GPR6: variants seen among roughly 807,000 people sequenced by gnomAD.
GPR6 encodes sphingosine 1-phosphate receptor GPR6.
GPR6 carries 14 observed loss-of-function variants against 18.5 expected under a neutral mutation model. The observed-to-expected ratio is 0.76, with a 90% CI of 0.50 to 1.18. The LOEUF is 1.18. GPR6 is among the 50% of genes most tolerant of loss of function. The pLI is 0.00. For missense variants in GPR6, 477 were observed against 495.9 expected (o/e 0.96, Z 0.36); for synonymous variants, 299 against 240.9 (o/e 1.24, Z -2.23).
chr6:109,979,078 ACTCC>A lies in GPR6; in HGVS notation c.-18-10_-18-7del, dbSNP rs1178816087. 1 of 1,547,000 alleles carries A rather than the reference ACTCC, an allele frequency of 6.5e-7. No individual in the cohort carries two copies. The highest frequency in any genetic ancestry group is 1.4e-5 in the African/African-American group (1 of 72,392). On this transcript the variant is annotated splice_polypyrimidine_tract_variant and intron_variant, in intron 1 of 1. Coordinates refer to ENST00000275169, the MANE Select transcript of GPR6 (RefSeq NM_005284.5). ...CCTGAAGTGTACACCTGACGCCTGC[ACTCC>A]CTCCCTATGCAGGGTGCAAATCCGG... is the stretch of plus-strand genomic sequence containing the variant.
At position 109,980,071 on chromosome 6, in the gene GPR6, A is replaced by G. The variant is rs1002133726; in HGVS notation, c.959A>G (p.Tyr320Cys). 1.2e-6 allele frequency: 2 copies of G among 1,614,214 alleles called. No individual in the cohort carries two copies. The highest frequency in any genetic ancestry group is 1.7e-6 in the Non-Finnish European group (2 of 1,180,040). Residue 320 changes from tyrosine to cysteine, a missense_variant, in exon 2 of 2, where the codon TAC becomes TGC. By Grantham distance (194) the Tyr-to-Cys change is radical. Transcript: ENST00000275169. ...TACGCCACCCTGCTGCCCGCCACCTACAACTCCATGATCAATCCCATCATC... is the reference window on the plus strand; with the variant it reads ...TACGCCACCCTGCTGCCCGCCACCTGCAACTCCATGATCAATCCCATCATC... Reference protein sequence around the residue: ...YTYATLLPATYNSMINPIIYA... With the variant: ...YTYATLLPATCNSMINPIIYA...
Position 109,980,228 on chromosome 6 carries a change from A to T in GPR6, c.*27A>T. ...GGGCTCGCCCCGTGTCCTCTCACCA[A>T]CACCACACCCCAACAAGCCAGCCTT... is the stretch of plus-strand genomic sequence containing the variant. On this transcript the variant is annotated 3_prime_UTR_variant, in exon 2 of 2. Coordinates refer to ENST00000275169, the MANE Select transcript of GPR6 (RefSeq NM_005284.5). The T allele has an allele frequency of 1.9e-6, 3 of 1,612,976 alleles. No individual in the cohort carries two copies. The highest frequency in any genetic ancestry group is 2.5e-6 in the Non-Finnish European group (3 of 1,179,698).
rs1295473527 is a variant in GPR6 at position 109,980,342 on chromosome 6, A to G, written c.*141A>G. On this transcript the variant is annotated 3_prime_UTR_variant, in exon 2 of 2. Coordinates refer to ENST00000275169, the MANE Select transcript of GPR6 (RefSeq NM_005284.5). Reference sequence around the variant, plus strand: ...GAAAAAGGGACTAAAGAGAAATGTAACAAACTTACAAGGACAAAGAGGCTT... The same window carrying G: ...GAAAAAGGGACTAAAGAGAAATGTAGCAAACTTACAAGGACAAAGAGGCTT... 1 of 1,204,834 alleles carries G rather than the reference A, an allele frequency of 8.3e-7. No homozygotes were observed. The highest frequency in any genetic ancestry group is 2.4e-5 in the Admixed American group (1 of 41,516). 74.6% of individuals were successfully genotyped at this position (1,204,834 alleles called of 1,614,324 possible). A position where few individuals can be genotyped will look rare whatever the true frequency, so the allele number is the denominator to read the frequency against.
At position 109,979,256 on chromosome 6, in the gene GPR6, C is replaced by A; in HGVS notation, c.144C>A (p.Gly48=). 6.2e-7 allele frequency: 1 copy of A among 1,611,518 alleles called. No individual in the cohort carries two copies. The highest frequency in any genetic ancestry group is 2.2e-5 in the East Asian group (1 of 44,844). ...CTGCGGCGGCTCTAGGAGCCGGCGGCGGAGCTAATGGGTCTCTGGAGCTGT... is the reference window on the plus strand; with the variant it reads ...CTGCGGCGGCTCTAGGAGCCGGCGGAGGAGCTAATGGGTCTCTGGAGCTGT... ...PPAAAALGAG[G]GANGSLELSS... is the part of the protein sequence containing the mutation. Residue 48 remains glycine (G), a synonymous_variant, in exon 2 of 2, where the codon GGC becomes GGA. Coordinates refer to ENST00000275169, the MANE Select transcript of GPR6 (RefSeq NM_005284.5).
chr6:109,980,223 C>A lies in GPR6; in HGVS notation c.*22C>A. On this transcript the variant is annotated 3_prime_UTR_variant, in exon 2 of 2. Transcript: ENST00000275169. The stretch of plus-strand genomic sequence containing the variant: ...CTGAAGGGCTCGCCCCGTGTCCTCT[C>A]ACCAACACCACACCCCAACAAGCCA... The A allele has an allele frequency of 3.7e-6, 6 of 1,613,760 alleles. No individual in the cohort carries two copies. The highest frequency in any genetic ancestry group is 1.7e-4 in the Middle Eastern group (1 of 6,056).
rs1771068906 is a variant in GPR6, at chr6:109,980,658, T to G, written c.*457T>G. ...TGTCGTATGTGATAGAATATTTTGC[T>G]GCACATGCATCAACAAATTACAACA... On this transcript the variant is annotated 3_prime_UTR_variant, in exon 2 of 2. Transcript: ENST00000275169. 1 of 185,682 alleles carries G rather than the reference T, an allele frequency of 5.4e-6. No homozygotes were observed. 11.5% of individuals were successfully genotyped at this position (185,682 alleles called of 1,614,324 possible). A position where few individuals can be genotyped will look rare whatever the true frequency, so the allele number is the denominator to read the frequency against.
In GPR6 at chr6:109,979,751, C is replaced by T. The variant is rs758365099; in HGVS notation, c.639C>T (p.Arg213=). 3.1e-6 allele frequency: 5 copies of T among 1,600,872 alleles called. No homozygotes were observed. The highest frequency in any genetic ancestry group is 1.7e-4 in the Middle Eastern group (1 of 6,044). Residue 213 remains arginine (R), a synonymous_variant, in exon 2 of 2, where the codon CGC becomes CGT. Coordinates refer to ENST00000275169, the MANE Select transcript of GPR6 (RefSeq NM_005284.5). ...PVLGWNCLAE[R]AACSVVRPLA... ...TGGGCTGGAACTGCCTGGCAGAGCG[C>T]GCCGCCTGCAGCGTGGTGCGCCCGC...
Position 109,979,427 on chromosome 6 carries a change from G to C in GPR6, c.315G>C (p.Thr105=). The C allele has an allele frequency of 6.2e-7, 1 of 1,613,368 alleles. No individual in the cohort carries two copies. Among genetic ancestry groups the C allele is most frequent in the South Asian group, 1.1e-5 (1 of 91,082 alleles). The stretch of plus-strand genomic sequence containing the variant: ...TCGCGTCCACTCCGGCGCTGCGCAC[G>C]CCCATGTTCGTGCTGGTAGGCAGCC... The part of the protein sequence containing the change: ...ALIASTPALR[T]PMFVLVGSLA... Residue 105 remains threonine (T), a synonymous_variant, in exon 2 of 2, where the codon ACG becomes ACC. Transcript: ENST00000275169.
Position 109,979,274 on chromosome 6 carries a change from G to T in GPR6, c.162G>T (p.Leu54=). 1 of 1,612,946 alleles carries T rather than the reference G, an allele frequency of 6.2e-7. No homozygotes were observed. The highest frequency in any genetic ancestry group is 2.2e-5 in the East Asian group (1 of 44,854). ...CCGGCGGCGGAGCTAATGGGTCTCT[G>T]GAGCTGTCCTCGCAGCTGTCGGCTG... ...LGAGGGANGS[L]ELSSQLSAGP... The change falls in exon 2 of 2, where the codon CTG becomes CTT. Residue 54 remains leucine, a synonymous_variant. Transcript: ENST00000275169.
In GPR6 at chr6:109,979,191, G is replaced by A; in HGVS notation, c.79G>A (p.Ala27Thr). The A allele has an allele frequency of 1.9e-6, 3 of 1,598,126 alleles. No homozygotes were observed. The highest frequency in any genetic ancestry group is 2.5e-6 in the Non-Finnish European group (3 of 1,177,670). The change falls in exon 2 of 2, where the codon GCA becomes ACA. Residue 27 changes from alanine (A) to threonine (T), a missense_variant. Coordinates refer to ENST00000275169, the MANE Select transcript of GPR6 (RefSeq NM_005284.5). Reference protein sequence around the residue: ...AAEGAAAAATAAGGPDTGEWG... With the variant: ...AAEGAAAAATTAGGPDTGEWG... ...CGAAGGAGCGGCGGCGGCGGCCACA[G>A]CAGCAGGGGGGCCGGACACGGGCGA...
Position 109,979,197 on chromosome 6 carries a change from G to T in GPR6, c.85G>T (p.Gly29Trp). 6.3e-7 allele frequency: 1 copy of T among 1,599,446 alleles called. No homozygotes were observed. The highest frequency in any genetic ancestry group is 8.5e-7 in the Non-Finnish European group (1 of 1,177,834). The change falls in exon 2 of 2, where the codon GGG (glycine) becomes TGG (tryptophan). Residue 29 changes from glycine to tryptophan, a missense_variant. Physicochemically the swap from Gly to Trp is radical, Grantham distance 184 (BLOSUM62 -2). Transcript: ENST00000275169. ...AGCGGCGGCGGCGGCCACAGCAGCAGGGGGGCCGGACACGGGCGAATGGGG... is the reference window on the plus strand; with the variant it reads ...AGCGGCGGCGGCGGCCACAGCAGCATGGGGGCCGGACACGGGCGAATGGGG... ...EGAAAAATAA[G>W]GPDTGEWGPP...
At chr6:109,978,812 C>CAAATA (rs1225197573) in intron 1 of GPR6, 10 of 1,535,626 alleles carry the variant, frequency 6.5e-6, no homozygotes, top group Non-Finnish European at 8.7e-6. Flanking sequence ...GGTGCGTGTG[C>CAAATA]AAATACAGGC....
At chr6:109,978,826 C>T in intron 1 of GPR6, 1 of 1,535,782 alleles carries the variant, frequency 6.5e-7, no homozygotes, top group Non-Finnish European at 8.7e-7. Flanking sequence ...TACAGGCAGC[C>T]TTGGAGAATT....
Position 109,979,849 on chromosome 6 carries a change from T to A in GPR6, c.737T>A (p.Val246Glu). 1 of 1,608,296 alleles carries A rather than the reference T, an allele frequency of 6.2e-7. No individual in the cohort carries two copies. The highest frequency in any genetic ancestry group is 1.7e-5 in the Admixed American group (1 of 59,982). ...MVFGIMLHLYVRICQVVWRHA... is the reference protein window; with the variant it reads ...MVFGIMLHLYERICQVVWRHA... ...TTCGGCATCATGCTGCACCTGTACGTGCGCATCTGCCAGGTGGTCTGGCGC... is the reference window on the plus strand; with the variant it reads ...TTCGGCATCATGCTGCACCTGTACGAGCGCATCTGCCAGGTGGTCTGGCGC... The change falls in exon 2 of 2, where the codon GTG (valine) becomes GAG (glutamate). Residue 246 changes from valine to glutamate, a missense_variant. Physicochemically the swap from Val to Glu is moderately radical, Grantham distance 121. Coordinates refer to ENST00000275169, the MANE Select transcript of GPR6 (RefSeq NM_005284.5).
In GPR6 at chr6:109,980,542, T is replaced by C. The variant is rs1771066206; in HGVS notation, c.*341T>C. On this transcript the variant is annotated 3_prime_UTR_variant, in exon 2 of 2. Transcript: ENST00000275169. ...TCAAACGAAGACATTCCAATACTGC[T>C]TAATTATAGCACTTTATTTTTAGCT... The C allele has an allele frequency of 1.1e-5, 3 of 278,028 alleles. No individual in the cohort carries two copies. The highest frequency in any genetic ancestry group is 6.8e-5 in the African/African-American group (3 of 44,128). The allele number at this position is 278,028 out of a possible 1,614,324, so 17.2% of individuals were successfully genotyped here.
chr6:109,978,766 C>T (rs1771001719), intron 1 of GPR6: 1 of 1,535,574 alleles, frequency 6.5e-7, no homozygotes, highest in African/African-American at 1.4e-5. Context: ...CCAGGCGGGA[C>T]TCTCCCAGGA....
intron 1 of GPR6, 81 bp from the exon 2 acceptor site, chr6:109,979,014 G>A (rs1771007176): frequency 1.3e-6 from 2 of 1,540,770 alleles, no homozygotes; most frequent in African/African-American, 1.4e-5. Flanking sequence ...GTGGGGCAAT[G>A]CGAGAGGAGG....
In GPR6 at chr6:109,979,898, G is replaced by A; in HGVS notation, c.786G>A (p.Gln262=). The change falls in exon 2 of 2, where the codon CAG becomes CAA. Residue 262 remains glutamine (Q), a synonymous_variant. Transcript: ENST00000275169. ...GCCACGCGCACCAGATCGCGCTGCA[G>A]CAGCACTGCCTGGCGCCACCCCATC... The part of the protein sequence containing the change: ...VWRHAHQIAL[Q]QHCLAPPHLA... The A allele has an allele frequency of 1.2e-6, 2 of 1,611,656 alleles. No individual in the cohort carries two copies. Among genetic ancestry groups the A allele is most frequent in the East Asian group, 2.2e-5 (1 of 44,894 alleles).
Position 109,979,858 on chromosome 6 carries a change from G to T in GPR6, c.746G>T (p.Cys249Phe). ...GIMLHLYVRI[C>F]QVVWRHAHQI... The stretch of plus-strand genomic sequence containing the variant: ...ATGCTGCACCTGTACGTGCGCATCT[G>T]CCAGGTGGTCTGGCGCCACGCGCAC... Residue 249 changes from cysteine to phenylalanine, a missense_variant, in exon 2 of 2, where the codon TGC becomes TTC. Transcript: ENST00000275169. The T allele has an allele frequency of 6.2e-7, 1 of 1,609,056 alleles. No homozygotes were observed.
Sources: gnomAD v4.1 joint callset for allele counts on GRCh38, gnomAD v4.1.1 for gene constraint, MANE v1.5 for transcripts, NCBI Gene and HGNC (gene_info 2026-07-23, HGNC 2026-07-21) for gene names.